The following GSG1L variants were observed in gnomAD, a reference collection of about 807,000 sequenced individuals.
The protein encoded by GSG1L is germ cell-specific gene 1-like protein.
In GSG1L, 24 loss-of-function variants were observed where a neutral mutation model predicts 42.1. That is an observed-to-expected ratio of 0.57 (90% CI 0.41 to 0.80). The LOEUF (loss-of-function observed/expected upper bound fraction) is 0.80. GSG1L is among the 30% of genes least tolerant of loss of function. The probability of loss-of-function intolerance (pLI) is 0.00; values close to 1 mark genes in which losing one functional copy is unlikely to be tolerated. For missense variants in GSG1L, 445 were observed against 472.2 expected (o/e 0.94, Z 0.53); for synonymous variants, 215 against 203.5 (o/e 1.06, Z -0.48).
intron 5 of GSG1L, among the ~76,000 whole-genome samples, chr16:27,822,337 C>T (rs1042597340): frequency 6.6e-6 from 1 of 152,170 alleles, no homozygotes; most frequent in Non-Finnish European, 1.5e-5. Flanking sequence ...ATGAAGTCAG[C>T]CAGGCGCTCA....
At chr16:28,000,309 T>C (rs2141143306) in intron 1 of GSG1L, among the ~76,000 whole-genome samples, 2 of 152,238 alleles carry the variant, frequency 1.3e-5, no homozygotes, top group South Asian at 2.1e-4. Flanking sequence ...CTCTACCAAA[T>C]AATGCTAAAG....
At chr16:27,841,619 G>T (rs2083382467) in intron 4 of GSG1L, among the ~76,000 whole-genome samples, 1 of 152,192 alleles carries the variant, frequency 6.6e-6, no homozygotes, top group African/African-American at 2.4e-5. Flanking sequence ...ACATGGTGCA[G>T]CCCTGGCGAG....
chr16:27,928,303 C>A (rs1278718199), intron 2 of GSG1L, among the ~76,000 whole-genome samples: 1 of 150,944 alleles, frequency 6.6e-6, no homozygotes, highest in African/African-American at 2.4e-5. Flanking sequence ...CCTTGTCCAT[C>A]TGACTCCAGG....
intron 5 of GSG1L, among the ~76,000 whole-genome samples, chr16:27,828,067 C>T (rs1283565878): frequency 6.6e-6 from 1 of 151,648 alleles, no homozygotes; most frequent in East Asian, 1.9e-4. Context: ...TCCATCCATC[C>T]ATCCATCCAT....
chr16:28,016,727 T>C (rs766988392), intron 1 of GSG1L, among the ~76,000 whole-genome samples: 15 of 152,208 alleles, frequency 9.9e-5, no homozygotes, highest in Non-Finnish European at 2.1e-4. Context: ...CATGTCGGCA[T>C]TGTGCTAAAT....
intron 3 of GSG1L, among the ~76,000 whole-genome samples, chr16:27,854,413 A>G (rs191837116): frequency 1.4e-3 from 210 of 152,158 alleles, no homozygotes; most frequent in African/African-American, 4.7e-3. Flanking sequence ...AATGAGCTGC[A>G]CTATGCAGAT....
chr16:28,035,563 A>C (rs1467112988), intron 1 of GSG1L, among the ~76,000 whole-genome samples: 1 of 152,150 alleles, frequency 6.6e-6, no homozygotes. Context: ...TTAATTAATA[A>C]AATATCGGGA....
intron 2 of GSG1L, among the ~76,000 whole-genome samples, chr16:27,954,993 C>T (rs1374681354): frequency 6.6e-6 from 1 of 152,086 alleles, no homozygotes; most frequent in Non-Finnish European, 1.5e-5. Context: ...GTTTATAGCT[C>T]AGATGATTGG....
At chr16:27,802,390 G>T (rs953734721) in intron 6 of GSG1L, among the ~76,000 whole-genome samples, 2 of 152,220 alleles carry the variant, frequency 1.3e-5, no homozygotes, top group Non-Finnish European at 1.5e-5. Context: ...CACAGAGGGG[G>T]TCTCTTCCTT....
intron 1 of GSG1L, among the ~76,000 whole-genome samples, chr16:28,062,199 G>A (rs978827538): frequency 1.3e-5 from 2 of 152,164 alleles, no homozygotes; most frequent in East Asian, 1.9e-4. Context: ...CCAGCTGTCC[G>A]GCAGCTGTCC....
Position 27,880,306 on chromosome 16 carries a change from T to C in GSG1L, c.550+4180A>G, listed in dbSNP as rs2083937333. Among the ~76,000 whole-genome samples the C allele has an allele frequency of 2.6e-5, 4 of 152,226 alleles. No homozygotes were observed. The South Asian group carries it at 8.3e-4, about 31-fold the overall frequency. ...TCTCCTGTTTATCTTCTCCTGGGCATGAATACAAAATCCTTTCTCTCCACC... is the reference window on the plus strand; with the variant it reads ...TCTCCTGTTTATCTTCTCCTGGGCACGAATACAAAATCCTTTCTCTCCACC... On this transcript the variant is annotated intron_variant, in intron 3 of 6. Coordinates refer to ENST00000447459, the MANE Select transcript of GSG1L (RefSeq NM_001109763.2).
Position 27,791,373 on chromosome 16 carries a change from C to T in GSG1L, c.993G>A (p.Val331=), listed in dbSNP as rs761822987. Residue 331 remains valine, a synonymous_variant, in exon 7 of 7, where the codon GTG becomes GTA. Transcript: ENST00000447459. ...NRQCWVLGHW[V] ...GCGGGCCAGGTTGAGGTCTTGGTCA[C>T]ACCCAGTGCCCCAAGACCCAGCACT... 21 of 1,429,752 alleles carry T rather than the reference C, an allele frequency of 1.5e-5. No individual in the cohort carries two copies. In the South Asian group the frequency reaches 3.0e-4, roughly 21 times the overall value. 88.6% of individuals were successfully genotyped at this position (1,429,752 alleles called of 1,614,324 possible).
At position 28,040,983 on chromosome 16, in the gene GSG1L, A is replaced by G. The variant is rs2086099518; in HGVS notation, c.349+22093T>C. 6.6e-6 allele frequency among the ~76,000 whole-genome samples: 1 copy of G among 152,184 alleles called. No individual in the cohort carries two copies. The highest frequency in any genetic ancestry group is 1.5e-5 in the Non-Finnish European group (1 of 68,034). ...TGCACCTCCGTGTCCTCTCAATCTC[A>G]CATCAACCCCTAAGATGTTTGGTTT... On this transcript the variant is annotated intron_variant, in intron 1 of 6. Coordinates refer to ENST00000447459, the MANE Select transcript of GSG1L (RefSeq NM_001109763.2). This position sits in a 1 kb window ranked among gnomAD's most constrained non-coding sequence, Gnocchi z 4.1.
chr16:27,850,982 G>A (rs2083507075), intron 3 of GSG1L, among the ~76,000 whole-genome samples: 1 of 152,020 alleles, frequency 6.6e-6, no homozygotes. Flanking sequence ...ATGGGAGATA[G>A]AGAATGTTTC....
At position 27,977,219 on chromosome 16, in the gene GSG1L, G is replaced by C. The variant is rs575533500; in HGVS notation, c.350-14016C>G. On this transcript the variant is annotated intron_variant, in intron 1 of 6. Coordinates refer to ENST00000447459, the MANE Select transcript of GSG1L (RefSeq NM_001109763.2). ...ACACAGCCACTATGTGGCAGAATCAGGATCTGGACTTAAGTCCTTATCTGT... is the reference window on the plus strand; with the variant it reads ...ACACAGCCACTATGTGGCAGAATCACGATCTGGACTTAAGTCCTTATCTGT... Among the ~76,000 whole-genome samples, 15 of 152,326 alleles carry C rather than the reference G, an allele frequency of 9.8e-5. No homozygotes were observed. The South Asian group carries it at 2.1e-3, about 21-fold the overall frequency.
intron 1 of GSG1L, among the ~76,000 whole-genome samples, chr16:28,016,102 G>A (rs927341299): frequency 1.3e-5 from 2 of 152,112 alleles, no homozygotes; most frequent in Non-Finnish European, 2.9e-5. Context: ...TGATTTTTAC[G>A]TCTCAGCCTC....
At chr16:27,829,609 C>T (rs917073248) in intron 4 of GSG1L, among the ~76,000 whole-genome samples, 7 of 152,158 alleles carry the variant, frequency 4.6e-5, no homozygotes, top group African/African-American at 7.2e-5. Context: ...TGCAATGGTG[C>T]GATCATAGCT....
intron 1 of GSG1L, among the ~76,000 whole-genome samples, chr16:27,980,383 T>C (rs2085312063): frequency 6.6e-6 from 1 of 151,618 alleles, no homozygotes; most frequent in Admixed American, 6.6e-5. Flanking sequence ...TTCCATGGAG[T>C]CAGGAGGTGG....
At chr16:27,938,882 T>C (rs1210330398) in intron 2 of GSG1L, among the ~76,000 whole-genome samples, 6 of 152,048 alleles carry the variant, frequency 3.9e-5, no homozygotes, top group Non-Finnish European at 5.9e-5. Context: ...AGAGCCAAAG[T>C]CCAAATGGAG....
Sources: allele counts gnomAD v4.1 joint callset (sites outside exome capture counted in the v4.1 genomes callset), GRCh38; gene constraint gnomAD v4.1.1; non-coding constraint Gnocchi (gnomAD v3.1); transcripts MANE v1.5; gene names NCBI Gene and HGNC (gene_info 2026-07-23, HGNC 2026-07-21).